The following CD96 variants were observed in gnomAD, a reference collection of about 807,000 sequenced individuals.
CD96 encodes T-cell surface protein tactile.
In CD96, 70 loss-of-function variants were observed where a neutral mutation model predicts 71.3. The ratio of observed to expected loss-of-function variants is 0.98; its 90% CI spans 0.81 to 1.20. CD96 has a LOEUF of 1.20. Among genes scored for constraint, CD96 ranks in the 50% most tolerant of loss-of-function variants. The pLI, the probability that CD96 is intolerant of heterozygous loss-of-function variation, is 0.00. For missense variants in CD96, 742 were observed against 677.5 expected (o/e 1.10, Z -1.06); for synonymous variants, 248 against 233.0 (o/e 1.06, Z -0.59).
chr3:111,598,228 T>C lies in CD96; in HGVS notation c.898+18T>C, dbSNP rs761048045. 2 of 983,528 alleles carry C rather than the reference T, an allele frequency of 2.0e-6. No individual in the cohort carries two copies. Among genetic ancestry groups the C allele is most frequent in the Admixed American group, 1.7e-5 (1 of 59,190 alleles). The allele number at this position is 983,528 out of a possible 1,614,324, so 60.9% of individuals were successfully genotyped here. On this transcript the variant is annotated intron_variant, in intron 6 of 13. Coordinates refer to ENST00000352690, the MANE Select transcript of CD96 (RefSeq NM_005816.5). ...AAAAGAAGGTAAGGAAACTAATCAATGGAAATAAGTTCGGTACAAAAAGAA... is the reference window on the plus strand; with the variant it reads ...AAAAGAAGGTAAGGAAACTAATCAACGGAAATAAGTTCGGTACAAAAAGAA...
chr3:111,569,619 C>A (rs1218479903), intron 3 of CD96, among the ~76,000 whole-genome samples: 1 of 152,180 alleles, frequency 6.6e-6, no homozygotes, highest in Non-Finnish European at 1.5e-5. Context: ...TTAACAATGG[C>A]AACTGGTTTA....
At chr3:111,590,471 C>A (rs1047017136) in intron 5 of CD96, among the ~76,000 whole-genome samples, 1 of 152,190 alleles carries the variant, frequency 6.6e-6, no homozygotes, top group Non-Finnish European at 1.5e-5. Flanking sequence ...GCTGTGTCTT[C>A]CTGTGTTATT....
intron 10 of CD96, among the ~76,000 whole-genome samples, chr3:111,627,501 T>C (rs368524448): frequency 1.3e-5 from 2 of 152,240 alleles, no homozygotes; most frequent in African/African-American, 4.8e-5. Flanking sequence ...AACAGAGTTC[T>C]AATTTCTTCC....
At chr3:111,586,646 C>T (rs549915968) in intron 5 of CD96, among the ~76,000 whole-genome samples, 1 of 152,252 alleles carries the variant, frequency 6.6e-6, no homozygotes, top group Non-Finnish European at 1.5e-5. Flanking sequence ...CACATCATGT[C>T]TTACATGGAT....
At chr3:111,574,242 G>A (rs1036570915) in intron 3 of CD96, among the ~76,000 whole-genome samples, 1 of 152,094 alleles carries the variant, frequency 6.6e-6, no homozygotes, top group African/African-American at 2.4e-5. Flanking sequence ...AAATCAAGGA[G>A]GTTGAACATC....
intron 8 of CD96, among the ~76,000 whole-genome samples, chr3:111,609,487 G>C (rs894099825): frequency 7.8e-4 from 119 of 152,178 alleles, no homozygotes; most frequent in Non-Finnish European, 1.6e-3. Context: ...TATTCTGCTA[G>C]TTAAAAGCAG....
At chr3:111,569,415 T>G (rs887619805) in intron 3 of CD96, among the ~76,000 whole-genome samples, 3 of 152,218 alleles carry the variant, frequency 2.0e-5, no homozygotes, top group Non-Finnish European at 2.9e-5. Context: ...AGGCCTATCA[T>G]TAGGATGAGT....
rs368513585 is a variant in CD96, at chr3:111,579,257, C to G, written c.751+23C>G. On this transcript the variant is annotated intron_variant, in intron 4 of 13. Transcript: ENST00000352690. The stretch of plus-strand genomic sequence containing the variant: ...TTGGTAAGGGCTTTTGTTCTACAGA[C>G]TCACTGGCATCCTCCTGTCTCCTGC... 93 of 1,268,988 alleles carry G rather than the reference C, an allele frequency of 7.3e-5. No individual in the cohort carries two copies. In the East Asian group the frequency reaches 1.5e-3, roughly 21 times the overall value. The allele number at this position is 1,268,988 out of a possible 1,614,324, so 78.6% of individuals were successfully genotyped here. A position where few individuals can be genotyped will look rare whatever the true frequency, so the allele number is the denominator to read the frequency against.
chr3:111,628,621 C>G (rs527669138), intron 10 of CD96, among the ~76,000 whole-genome samples: 10 of 152,278 alleles, frequency 6.6e-5, no homozygotes, highest in Admixed American at 2.6e-4. Context: ...CTTCACCAAC[C>G]TAGCAATACA....
chr3:111,605,302 G>A (rs1937592269), intron 7 of CD96, among the ~76,000 whole-genome samples: 1 of 152,172 alleles, frequency 6.6e-6, no homozygotes, highest in Admixed American at 6.5e-5. Context: ...GGTACATTCA[G>A]GAAAGTTTGG....
At chr3:111,586,818 A>G (rs552236664) in intron 5 of CD96, among the ~76,000 whole-genome samples, 11 of 152,232 alleles carry the variant, frequency 7.2e-5, no homozygotes, top group African/African-American at 2.2e-4. Flanking sequence ...TCGAGATTAG[A>G]TTTGGGTGGT....
chr3:111,661,860 G>A (rs569459379), intron 14 of CD96, among the ~76,000 whole-genome samples: 3 of 152,314 alleles, frequency 2.0e-5, no homozygotes, highest in South Asian at 2.1e-4. Context: ...GGGGCCTGGA[G>A]AACAGTAGCC....
chr3:111,587,675 GC>G (rs1936779699), intron 5 of CD96, among the ~76,000 whole-genome samples: 1 of 152,164 alleles, frequency 6.6e-6, no homozygotes, highest in African/African-American at 2.4e-5. Flanking sequence ...GCAAACTTTT[GC>G]CTGGGCATCC....
chr3:111,623,987 T>C (rs1044275348), intron 9 of CD96, among the ~76,000 whole-genome samples, 165 bp downstream of exon 9: 1 of 152,256 alleles, frequency 6.6e-6, no homozygotes, highest in Non-Finnish European at 1.5e-5. Flanking sequence ...TATATTGATA[T>C]GACAATTTCT....
Position 111,567,553 on chromosome 3 carries a change from C to G in CD96, c.449C>G (p.Thr150Arg). ...VTADEWNSNH[T>R]IEIEINQTLE... ...GCAGATGAATGGAACAGCAACCATACGATAGAAATAGAGATAAATCAGACT... is the reference window on the plus strand; with the variant it reads ...GCAGATGAATGGAACAGCAACCATAGGATAGAAATAGAGATAAATCAGACT... Residue 150 changes from threonine to arginine, a missense_variant, in exon 3 of 14, where the codon ACG (threonine) becomes AGG (arginine). By Grantham distance (71) the Thr-to-Arg change is moderately conservative. Transcript: ENST00000352690. The G allele has an allele frequency of 4.4e-6, 7 of 1,602,956 alleles. No homozygotes were observed. Among genetic ancestry groups the G allele is most frequent in the Non-Finnish European group, 6.0e-6 (7 of 1,170,028 alleles).
intron 3 of CD96, among the ~76,000 whole-genome samples, chr3:111,571,289 A>G (rs917269226): frequency 1.2e-4 from 18 of 149,426 alleles, no homozygotes; most frequent in African/African-American, 4.0e-4. Flanking sequence ...ATAGGTACTC[A>G]TAAATACTTA....
chr3:111,588,080 C>T (rs113528957), intron 5 of CD96, among the ~76,000 whole-genome samples: 61 of 152,364 alleles, frequency 4.0e-4, no homozygotes, highest in African/African-American at 1.4e-3. Context: ...TTGATTTTCT[C>T]TCCAGAAAAT....
At chr3:111,581,491 C>T (rs766315834) in intron 4 of CD96, among the ~76,000 whole-genome samples, 8 of 152,168 alleles carry the variant, frequency 5.3e-5, no homozygotes, top group Non-Finnish European at 1.2e-4. Flanking sequence ...TTTCTTCTTC[C>T]CAAACAATGT....
At chr3:111,658,390 T>C (rs113414604) in intron 14 of CD96, among the ~76,000 whole-genome samples, 22 of 152,290 alleles carry the variant, frequency 1.4e-4, no homozygotes, top group African/African-American at 5.1e-4. Flanking sequence ...CTCTCACCTA[T>C]AGCAAAACTT....
Sources: gnomAD v4.1 joint callset for allele counts (sites outside exome capture counted in the v4.1 genomes callset) on GRCh38, gnomAD v4.1.1 for gene constraint, MANE v1.5 for transcripts, NCBI Gene and HGNC (gene_info 2026-07-23, HGNC 2026-07-21) for gene names.